Variants in MICU2 observed in about 807,000 individuals in gnomAD.
MICU2 encodes the protein calcium uptake protein 2, mitochondrial.
In MICU2, 64 loss-of-function variants were observed where a neutral mutation model predicts 60.4. The ratio of observed to expected loss-of-function variants is 1.06; its 90% CI spans 0.87 to 1.31. The LOEUF (loss-of-function observed/expected upper bound fraction) is 1.31, where lower values mean the gene tolerates loss of function less well. Among genes scored for constraint, MICU2 ranks in the 50% most tolerant of loss-of-function variants. The pLI is 0.00. For missense variants in MICU2, 569 were observed against 531.0 expected (o/e 1.07, Z -0.70); for synonymous variants, 201 against 175.0 (o/e 1.15, Z -1.17).
chr13:21,599,885 C>A (rs1176443059), intron 1 of MICU2, among the ~76,000 whole-genome samples: 1 of 152,188 alleles, frequency 6.6e-6, no homozygotes, highest in South Asian at 2.1e-4. Flanking sequence ...GAGATACTTA[C>A]AACAACTCTA....
chr13:21,511,767 T>C (rs1002593453), intron 7 of MICU2, among the ~76,000 whole-genome samples: 1 of 152,180 alleles, frequency 6.6e-6, no homozygotes, highest in African/African-American at 2.4e-5. Context: ...ATTTCAAACA[T>C]GTTATATAAA....
chr13:21,517,942 C>T (rs545567723), intron 6 of MICU2, among the ~76,000 whole-genome samples: 8 of 152,184 alleles, frequency 5.3e-5, no homozygotes, highest in South Asian at 4.1e-4. Context: ...TGCTGTATCA[C>T]GCTCTATGGG....
intron 7 of MICU2, among the ~76,000 whole-genome samples, chr13:21,513,969 G>A (rs949161202): frequency 2.6e-5 from 4 of 152,102 alleles, no homozygotes; most frequent in Non-Finnish European, 4.4e-5. Context: ...GTGTGAATGA[G>A]AGGGAAATTC....
chr13:21,518,524 A>G (rs575125769), intron 6 of MICU2, among the ~76,000 whole-genome samples: 31 of 152,336 alleles, frequency 2.0e-4, no homozygotes, highest in Middle Eastern at 3.4e-3. Context: ...ATGTGTGTAC[A>G]GTGGGTCCAG....
chr13:21,586,839 G>A (rs1485660579), intron 1 of MICU2, among the ~76,000 whole-genome samples: 5 of 152,070 alleles, frequency 3.3e-5, no homozygotes, highest in African/African-American at 1.2e-4. Flanking sequence ...TAGTATCAAG[G>A]TCAGCATAAA....
chr13:21,496,666 G>A (rs191585780), intron 9 of MICU2: 2 of 152,718 alleles, frequency 1.3e-5, no homozygotes, highest in East Asian at 1.9e-4. Flanking sequence ...GGTAAGTAAC[G>A]CTTCAGGGGT....
At chr13:21,530,239 CTG>C (rs1886955216) in intron 4 of MICU2, among the ~76,000 whole-genome samples, 1 of 152,056 alleles carries the variant, frequency 6.6e-6, no homozygotes, top group Non-Finnish European at 1.5e-5. Context: ...ATCTTTGACT[CTG>C]TAATGAATGC....
intron 7 of MICU2, among the ~76,000 whole-genome samples, chr13:21,513,739 C>CAAAA (rs376128312): frequency 0.12 from 6,977 of 59,058 alleles, 1,752 homozygotes; most frequent in East Asian, 0.54. Flanking sequence ...GACTCTGTCT[C>CAAAA]AAAAAAAAAA....
chr13:21,597,278 G>C (rs1489840140), intron 1 of MICU2, among the ~76,000 whole-genome samples: 1 of 151,944 alleles, frequency 6.6e-6, no homozygotes, highest in Admixed American at 6.5e-5. Context: ...TAGGCCCTTG[G>C]GACATAGCAG....
At chr13:21,560,535 T>G (rs1024027183) in intron 2 of MICU2, among the ~76,000 whole-genome samples, 1 of 152,180 alleles carries the variant, frequency 6.6e-6, no homozygotes, top group Non-Finnish European at 1.5e-5. Flanking sequence ...TAGAGTTAAC[T>G]TCTCCATTTT....
At chr13:21,512,445 A>ATTTTTTTT (rs139822285) in intron 7 of MICU2, among the ~76,000 whole-genome samples, 6 of 125,232 alleles carry the variant, frequency 4.8e-5, no homozygotes, top group Non-Finnish European at 6.6e-5. Context: ...CAAATTTTTA[A>ATTTTTTTT]TTTTTTTTTT....
At chr13:21,522,777 G>A in intron 4 of MICU2, 127 bp from the exon 5 acceptor site, 4 of 590,882 alleles carry the variant, frequency 6.8e-6, no homozygotes, top group Non-Finnish European at 1.1e-5. Context: ...TTGATACAGT[G>A]GAAAATTTTT....
intron 9 of MICU2, among the ~76,000 whole-genome samples, chr13:21,498,034 T>C (rs1259371397): frequency 6.6e-6 from 1 of 152,090 alleles, no homozygotes; most frequent in Non-Finnish European, 1.5e-5. Flanking sequence ...GGATTACAAG[T>C]GTCAGCCATT....
At chr13:21,520,647 T>C (rs1043257476) in intron 6 of MICU2, among the ~76,000 whole-genome samples, 5 of 138,022 alleles carry the variant, frequency 3.6e-5, no homozygotes, top group Admixed American at 2.3e-4. Context: ...TTGATGTGCA[T>C]TGAGGTTTTT....
intron 1 of MICU2, among the ~76,000 whole-genome samples, chr13:21,602,143 G>A (rs1029399000): frequency 1.3e-5 from 2 of 151,048 alleles, no homozygotes; most frequent in Non-Finnish European, 3.0e-5. Context: ...TTGGCAAAAT[G>A]AGACACTGAA....
intron 1 of MICU2, among the ~76,000 whole-genome samples, chr13:21,586,193 C>A (rs912791482): frequency 4.6e-5 from 7 of 152,284 alleles, no homozygotes; most frequent in African/African-American, 1.7e-4. Context: ...GCTCCAGTAG[C>A]AGACTAAGAT....
chr13:21,526,793 T>C (rs1707301544), intron 4 of MICU2, among the ~76,000 whole-genome samples: 2 of 135,024 alleles, frequency 1.5e-5, no homozygotes, highest in African/African-American at 5.8e-5. Context: ...ATAATGCTCA[T>C]GTGGAAGCAG....
In MICU2 at chr13:21,597,649, C is replaced by T. The variant is rs115221027; in HGVS notation, c.210+6290G>A. The stretch of plus-strand genomic sequence containing the variant: ...CAAGTATATAAAATAATTTCAGGGC[C>T]GGGCGCGGTGGCTCATGCCTGTAAT... On this transcript the variant is annotated intron_variant, in intron 1 of 11. Coordinates refer to ENST00000382374, the MANE Select transcript of MICU2 (RefSeq NM_152726.3). Among the ~76,000 whole-genome samples, 965 of 152,164 alleles carry T rather than the reference C, an allele frequency of 6.3e-3. 17 individuals carry two copies. Among genetic ancestry groups the T allele is most frequent in the African/African-American group, 0.022 (920 of 41,502 alleles).
At chr13:21,585,851 A>G (rs1345869750) in intron 1 of MICU2, among the ~76,000 whole-genome samples, 1 of 152,218 alleles carries the variant, frequency 6.6e-6, no homozygotes, top group Non-Finnish European at 1.5e-5. Context: ...TCACAAAATA[A>G]AAAATGAGTT....
Sources: allele counts gnomAD v4.1 joint callset (sites outside exome capture counted in the v4.1 genomes callset), GRCh38; gene constraint gnomAD v4.1.1; transcripts MANE v1.5; gene names NCBI Gene and HGNC (gene_info 2026-07-23, HGNC 2026-07-21).